FNTA: variants seen among roughly 807,000 people sequenced by gnomAD.
FNTA encodes farnesyltransferase, CAAX box, subunit alpha, also known as protein farnesyltransferase/geranylgeranyltransferase type-1 subunit alpha.
In FNTA, 27 loss-of-function variants were observed where a neutral mutation model predicts 55.2. That is an observed-to-expected ratio of 0.49 (90% confidence interval 0.36 to 0.67). The LOEUF (loss-of-function observed/expected upper bound fraction) is 0.67, where lower values mean the gene tolerates loss of function less well. FNTA is among the 30% of genes least tolerant of loss of function. The probability of loss-of-function intolerance (pLI) is 0.00; values close to 1 mark genes in which losing one functional copy is unlikely to be tolerated. For synonymous variants in FNTA, 176 were observed against 170.7 expected, an observed-to-expected ratio of 1.03 and a Z score of -0.24; for missense variants, 422 against 464.7, an observed-to-expected ratio of 0.91 and a Z score of 0.85.
At chr8:43,065,192 C>T (rs935258714) in intron 3 of FNTA, among the ~76,000 whole-genome samples, 2 of 151,978 alleles carry the variant, frequency 1.3e-5, no homozygotes, top group African/African-American at 2.4e-5. Context: ...CTCCACTACC[C>T]TCCCTCCATC....
intron 1 of FNTA, among the ~76,000 whole-genome samples, chr8:43,058,745 C>G (rs1207527921): frequency 1.3e-5 from 2 of 152,050 alleles, no homozygotes; most frequent in African/African-American, 2.4e-5. Flanking sequence ...CCACTGCACT[C>G]CAGCCTGGGC....
At chr8:43,058,111 A>C (rs1362873712) in intron 1 of FNTA, among the ~76,000 whole-genome samples, 2 of 152,172 alleles carry the variant, frequency 1.3e-5, no homozygotes, top group Non-Finnish European at 2.9e-5. Context: ...GTAGTCATTG[A>C]ATGCCGCCTG....
chr8:43,064,684 C>G (rs1810613570), intron 3 of FNTA, among the ~76,000 whole-genome samples: 1 of 151,894 alleles, frequency 6.6e-6, no homozygotes, highest in African/African-American at 2.4e-5. Context: ...AAGTAGCAAT[C>G]TCTAGCCCAA....
At chr8:43,057,860 A>G (rs1586651333) in intron 1 of FNTA, among the ~76,000 whole-genome samples, 1 of 151,342 alleles carries the variant, frequency 6.6e-6, no homozygotes. Context: ...CGGGAGGCTG[A>G]GGCAGGAGAA....
chr8:43,072,236 T>C lies in FNTA; in HGVS notation c.562T>C (p.Phe188Leu), dbSNP rs1417527920. 6.3e-7 allele frequency: 1 copy of C among 1,593,456 alleles called. No homozygotes were observed. Among genetic ancestry groups the C allele is most frequent in the Non-Finnish European group, 8.6e-7 (1 of 1,169,496 alleles). The change falls in exon 5 of 9, where the codon TTT becomes CTT. Residue 188 changes from phenylalanine to leucine, a missense_variant. Transcript: ENST00000302279. ...WLRDPSQELE[F>L]IADILNQDAK... ...AAGAGATCCATCTCAGGAGCTTGAA[T>C]TTATTGCTGATATTCTTAATCAGGA...
Position 43,056,410 on chromosome 8 carries a change from C to A in FNTA, c.64C>A (p.Pro22Thr). 2 of 1,519,038 alleles carry A rather than the reference C, an allele frequency of 1.3e-6. No homozygotes were observed. Among genetic ancestry groups the A allele is most frequent in the African/African-American group, 1.4e-5 (1 of 69,748 alleles). The allele number at this position is 1,519,038 out of a possible 1,614,324, so 94.1% of individuals were successfully genotyped here. The change falls in exon 1 of 9, where the codon CCC becomes ACC. Residue 22 changes from proline (P) to threonine (T), a missense_variant. By Grantham distance (38) the Pro-to-Thr change is conservative. Transcript: ENST00000302279. Reference sequence around the variant, plus strand: ...GGGCGAGCCCGGGCAGCCGGCGCAACCCCCGCCCCAGCCGCACCCACCGCC... The same window carrying A: ...GGGCGAGCCCGGGCAGCCGGCGCAAACCCCGCCCCAGCCGCACCCACCGCC... ...QGGEPGQPAQ[P>T]PPQPHPPPPQ...
intron 4 of FNTA, among the ~76,000 whole-genome samples, chr8:43,070,720 G>A (rs998480586): frequency 7.9e-5 from 12 of 152,180 alleles, no homozygotes; most frequent in African/African-American, 2.9e-4. Context: ...CGCTCTGTTC[G>A]TTTTATAACC....
chr8:43,063,884 G>T (rs575144354), intron 2 of FNTA, among the ~76,000 whole-genome samples: 1 of 152,338 alleles, frequency 6.6e-6, no homozygotes, highest in African/African-American at 2.4e-5. Context: ...CACGTAAGCA[G>T]TAAGCATACA....
chr8:43,063,869 G>A (rs901604895), intron 2 of FNTA, among the ~76,000 whole-genome samples: 7 of 152,190 alleles, frequency 4.6e-5, no homozygotes, highest in Non-Finnish European at 1.0e-4. Flanking sequence ...ATGAACTCAT[G>A]CACACACGTA....
intron 3 of FNTA, 41 bp from the exon 4 acceptor site, chr8:43,069,514 T>C: frequency 1.6e-6 from 2 of 1,244,854 alleles, no homozygotes; most frequent in Non-Finnish European, 2.4e-6. Context: ...AGGGAACTTC[T>C]GTGTAATAAT....
intron 1 of FNTA, 194 bp from the exon 2 acceptor site, chr8:43,058,898 A>C (rs148507496): frequency 2.4e-6 from 1 of 412,364 alleles, no homozygotes; most frequent in African/African-American, 2.1e-5. Flanking sequence ...ATTTGTTTTA[A>C]TTTTACTTTA....
chr8:43,078,337 TTTTTTTGTTTG>T (rs1347340297), intron 6 of FNTA: 3 of 152,154 alleles, frequency 2.0e-5, no homozygotes, highest in Non-Finnish European at 4.4e-5. Context: ...TTATGTTTTT[TTTTTTTGTTTG>T]TTTTTTGTTT....
At chr8:43,081,288 T>G (rs577281271) in intron 6 of FNTA, 6 of 152,198 alleles carry the variant, frequency 3.9e-5, no homozygotes, top group Non-Finnish European at 5.9e-5. Flanking sequence ...TGCAAACATT[T>G]ATACACAGCA....
intron 6 of FNTA, chr8:43,078,081 C>G (rs1810949793): frequency 6.6e-6 from 1 of 152,176 alleles, no homozygotes; most frequent in Non-Finnish European, 1.5e-5. Flanking sequence ...TATAGTGCAT[C>G]TCCTCTCTTC....
At chr8:43,072,426 A>G (rs1474250885) in intron 5 of FNTA, 119 bp downstream of exon 5, 4 of 614,424 alleles carry the variant, frequency 6.5e-6, no homozygotes, top group South Asian at 4.7e-5. Context: ...TGCACCCAAT[A>G]TATAACTAAA....
At chr8:43,071,694 C>CAAAAAAAAA (rs71231890) in intron 4 of FNTA, among the ~76,000 whole-genome samples, 1 of 73,258 alleles carries the variant, frequency 1.4e-5, no homozygotes, top group Non-Finnish European at 3.0e-5. Flanking sequence ...GACTTCGTCT[C>CAAAAAAAAA]AAAAAAAAAA....
chr8:43,078,332 T>C (rs1016697047), intron 6 of FNTA: 1 of 145,198 alleles, frequency 6.9e-6, no homozygotes, highest in Non-Finnish European at 1.5e-5. Context: ...ATATATTATG[T>C]TTTTTTTTTT....
Position 43,072,414 on chromosome 8 carries a change from A to G in FNTA, c.633+107A>G, listed in dbSNP as rs535506786. Reference sequence around the variant, plus strand: ...ACCAAAACACACACATACGTAGATCATTGCACCCAATATATAACTAAAAAT... The same window carrying G: ...ACCAAAACACACACATACGTAGATCGTTGCACCCAATATATAACTAAAAAT... On this transcript the variant is annotated intron_variant, in intron 5 of 8. Coordinates refer to ENST00000302279, the MANE Select transcript of FNTA (RefSeq NM_002027.3). 304 of 689,206 alleles carry G rather than the reference A, an allele frequency of 4.4e-4. 3 individuals are homozygous for G. The African/African-American group carries it at 5.1e-3, about 12-fold the overall frequency. 42.7% of individuals were successfully genotyped at this position (689,206 alleles called of 1,614,324 possible).
At chr8:43,068,495 G>C (rs901191832) in intron 3 of FNTA, among the ~76,000 whole-genome samples, 2 of 152,150 alleles carry the variant, frequency 1.3e-5, no homozygotes, top group African/African-American at 4.8e-5. Context: ...GGTTGTTCTA[G>C]AAGTATTTTG....
Sources: allele counts gnomAD v4.1 joint callset (sites outside exome capture counted in the v4.1 genomes callset), GRCh38; gene constraint gnomAD v4.1.1; transcripts MANE v1.5; gene names NCBI Gene and HGNC (gene_info 2026-07-23, HGNC 2026-07-21).